Variants in TINAGL1 observed in about 807,000 individuals in gnomAD.
TINAGL1 encodes tubulointerstitial nephritis antigen-like.
In TINAGL1, 34 loss-of-function variants were observed where a neutral mutation model predicts 62.0. The ratio of observed to expected loss-of-function variants is 0.55; its 90% CI spans 0.42 to 0.73. The LOEUF (loss-of-function observed/expected upper bound fraction) is 0.73. TINAGL1 is among the 30% of genes least tolerant of loss of function. TINAGL1 has a pLI of 0.00. For synonymous variants in TINAGL1, 221 were observed against 249.7 expected (o/e 0.88, Z 1.08); for missense variants, 516 against 653.2 (o/e 0.79, Z 2.29).
In TINAGL1 at chr1:31,577,128, C is replaced by T; in HGVS notation, c.-15-6C>T. On this transcript the variant is annotated splice_polypyrimidine_tract_variant and splice_region_variant and intron_variant, in intron 1 of 11. Transcript: ENST00000271064. This position sits in a 1 kb window ranked among gnomAD's most constrained non-coding sequence, Gnocchi z 5.4. ...GTCTCTGCTGCCCACCATCTCTGCCCCCCAGGGCCCAGGAGCCACCATGTG... is the reference window on the plus strand; with the variant it reads ...GTCTCTGCTGCCCACCATCTCTGCCTCCCAGGGCCCAGGAGCCACCATGTG... 1 of 1,474,970 alleles carries T rather than the reference C, an allele frequency of 6.8e-7. No homozygotes were observed. The highest frequency in any genetic ancestry group is 8.9e-7 in the Non-Finnish European group (1 of 1,117,768). 91.4% of individuals were successfully genotyped at this position (1,474,970 alleles called of 1,614,324 possible).
Position 31,584,957 on chromosome 1 carries a change from C to T in TINAGL1, c.778C>T (p.Leu260=), listed in dbSNP as rs1427997227. Residue 260 remains leucine, a synonymous_variant, in exon 7 of 12, where the codon CTG becomes TTG. Coordinates refer to ENST00000271064, the MANE Select transcript of TINAGL1 (RefSeq NM_022164.3). The surrounding 1 kb of genome is among the most constrained non-coding windows in gnomAD (Gnocchi z 4.0). ...GCCTGTCCTGTCGCCCCAGAACCTG[C>T]TGTCTTGTGACACCCACCAGCAGCA... is the stretch of plus-strand genomic sequence containing the variant. ...MTPVLSPQNL[L]SCDTHQQQGC... is the part of the protein sequence containing the mutation. 2 of 1,612,040 alleles carry T rather than the reference C, an allele frequency of 1.2e-6. No homozygotes were observed. The highest frequency in any genetic ancestry group is 2.2e-5 in the East Asian group (1 of 44,800).
At chr1:31,579,095 A>G (rs918033948) in intron 2 of TINAGL1, 109 bp from the exon 3 acceptor site, 20 of 775,686 alleles carry the variant, frequency 2.6e-5, no homozygotes, top group Non-Finnish European at 4.3e-5. Context: ...GAGAGAGAGA[A>G]AGAGAGAGAA....
At position 31,585,254 on chromosome 1, in the gene TINAGL1, C is replaced by A. The variant is rs774510976; in HGVS notation, c.961C>A (p.Arg321Ser). 3 of 1,613,624 alleles carry A rather than the reference C, an allele frequency of 1.9e-6. No homozygotes were observed. The highest frequency in any genetic ancestry group is 1.1e-5 in the South Asian group (1 of 90,938). Reference protein sequence around the residue: ...MHSRAMGRGKRQATAHCPNSY... With the variant: ...MHSRAMGRGKSQATAHCPNSY... The stretch of plus-strand genomic sequence containing the variant: ...CAGCCGAGCCATGGGTCGGGGCAAG[C>A]GCCAGGCCACTGCCCACTGCCCCAA... The change falls in exon 8 of 12, where the codon CGC becomes AGC. Residue 321 changes from arginine (R) to serine (S), a missense_variant. Coordinates refer to ENST00000271064, the MANE Select transcript of TINAGL1 (RefSeq NM_022164.3). This position sits in a 1 kb window ranked among gnomAD's most constrained non-coding sequence, Gnocchi z 4.3.
In TINAGL1 at chr1:31,577,482, G is replaced by C. The variant is rs1207304910; in HGVS notation, c.310+24G>C. Reference sequence around the variant, plus strand: ...AGGTGGGCACTAAGATGGCCAGGAGGGTGGGTCACTTTGTCCACCTCAGAC... The same window carrying C: ...AGGTGGGCACTAAGATGGCCAGGAGCGTGGGTCACTTTGTCCACCTCAGAC... On this transcript the variant is annotated intron_variant, in intron 2 of 11. Transcript: ENST00000271064. The surrounding 1 kb of genome is among the most constrained non-coding windows in gnomAD (Gnocchi z 5.4). The C allele has an allele frequency of 6.3e-7, 1 of 1,585,130 alleles. No individual in the cohort carries two copies. The highest frequency in any genetic ancestry group is 1.2e-5 in the South Asian group (1 of 85,794).
In TINAGL1 at chr1:31,583,560, C is replaced by T; in HGVS notation, c.567C>T (p.Asn189=). ...GTIRPSSSVM[N]MHEIYTVLNP... ...TCCGCCCATCTTCCTCGGTCATGAA[C>T]ATGCATGAAATTTATGTAAGTCCAT... Residue 189 remains asparagine (N), a synonymous_variant, in exon 5 of 12, where the codon AAC becomes AAT. Coordinates refer to ENST00000271064, the MANE Select transcript of TINAGL1 (RefSeq NM_022164.3). This position sits in a 1 kb window ranked among gnomAD's most constrained non-coding sequence, Gnocchi z 4.4. 1.2e-6 allele frequency: 2 copies of T among 1,613,422 alleles called. No individual in the cohort carries two copies. Among genetic ancestry groups the T allele is most frequent in the South Asian group, 1.1e-5 (1 of 90,882 alleles).
chr1:31,583,622 A>T lies in TINAGL1; in HGVS notation c.582+47A>T. 6.6e-7 allele frequency: 1 copy of T among 1,516,980 alleles called. No individual in the cohort carries two copies. The highest frequency in any genetic ancestry group is 9.0e-7 in the Non-Finnish European group (1 of 1,112,170). The allele number at this position is 1,516,980 out of a possible 1,614,324, so 94.0% of individuals were successfully genotyped here. ...ATGCTGCCATCTCCCCATGGCTCAGAACCTCAGGGATGCTGGCCCTGTGCC... is the reference window on the plus strand; with the variant it reads ...ATGCTGCCATCTCCCCATGGCTCAGTACCTCAGGGATGCTGGCCCTGTGCC... On this transcript the variant is annotated intron_variant, in intron 5 of 11. Transcript: ENST00000271064. The surrounding 1 kb of genome is among the most constrained non-coding windows in gnomAD (Gnocchi z 4.4).
chr1:31,584,880 C>G lies in TINAGL1; in HGVS notation c.707-6C>G. 6.2e-7 allele frequency: 1 copy of G among 1,611,548 alleles called. No homozygotes were observed. The highest frequency in any genetic ancestry group is 8.5e-7 in the Non-Finnish European group (1 of 1,177,810). ...TCCCGACAGCCCCTCTATCTCACCCCACCAGCTGTGGCATCCGATCGTGTC... is the reference window on the plus strand; with the variant it reads ...TCCCGACAGCCCCTCTATCTCACCCGACCAGCTGTGGCATCCGATCGTGTC... On this transcript the variant is annotated splice_region_variant and splice_polypyrimidine_tract_variant and intron_variant, in intron 6 of 11. Transcript: ENST00000271064. This position sits in a 1 kb window ranked among gnomAD's most constrained non-coding sequence, Gnocchi z 4.0.
intron 2 of TINAGL1, among the ~76,000 whole-genome samples, chr1:31,578,464 C>T (rs1639077461): frequency 1.9e-5 from 2 of 106,294 alleles, no homozygotes; most frequent in East Asian, 3.3e-4. Flanking sequence ...TGTGTGATGT[C>T]TTCAGTTATA....
rs113457070 is a variant in TINAGL1, at chr1:31,580,217, C to G, written c.374+950C>G. 2.2e-3 allele frequency: 1,610 copies of G among 728,520 alleles called. 36 individuals are homozygous for G. The African/African-American group carries it at 0.029, about 13-fold the overall frequency. 45.1% of individuals were successfully genotyped at this position (728,520 alleles called of 1,614,324 possible). On this transcript the variant is annotated intron_variant, in intron 3 of 11. Coordinates refer to ENST00000271064, the MANE Select transcript of TINAGL1 (RefSeq NM_022164.3). ...TCTCTCTCTCTCTCTCTCTCTGTCT[C>G]TCTCTCTCTGTCTCTCTCTGTCTCT...
Position 31,585,011 on chromosome 1 carries a change from G to T in TINAGL1, c.832G>T (p.Ala278Ser). The change falls in exon 7 of 12, where the codon GCC becomes TCC. Residue 278 changes from alanine to serine, a missense_variant. Physicochemically the swap from Ala to Ser is moderately conservative, Grantham distance 99. Transcript: ENST00000271064. The surrounding 1 kb of genome is among the most constrained non-coding windows in gnomAD (Gnocchi z 4.3). ...CTGCCGCGGTGGGCGTCTCGATGGT[G>T]CCTGGTGGTTCCTGCGTCGCCGAGG... ...QGCRGGRLDG[A>S]WWFLRRRGVV... 6.2e-7 allele frequency: 1 copy of T among 1,607,060 alleles called. No individual in the cohort carries two copies.
At chr1:31,586,520 G>T in intron 10 of TINAGL1, 190 bp from the exon 11 acceptor site, 1 of 665,276 alleles carries the variant, frequency 1.5e-6, no homozygotes, top group Non-Finnish European at 2.7e-6. Flanking sequence ...CCCATGCTGG[G>T]CCTGGGTGCA....
intron 3 of TINAGL1, chr1:31,580,175 C>T (rs1439445302): frequency 6.1e-6 from 2 of 328,254 alleles, no homozygotes; most frequent in South Asian, 3.5e-5. Flanking sequence ...CTCTCTCTCT[C>T]TCTCTCTCTC....
In TINAGL1 at chr1:31,585,331, C is replaced by T. The variant is rs374136172; in HGVS notation, c.1038C>T (p.Leu346=). The change falls in exon 8 of 12, where the codon CTC becomes CTT. Residue 346 remains leucine, a synonymous_variant. Transcript: ENST00000271064. The surrounding 1 kb of genome is among the most constrained non-coding windows in gnomAD (Gnocchi z 4.3). ...DIYQVTPVYR[L]GSNDKEIMKE... ...ACCAGGTCACTCCTGTCTACCGCCTCGGCTCCAACGTAAGTCAGCACTTGG... is the reference window on the plus strand; with the variant it reads ...ACCAGGTCACTCCTGTCTACCGCCTTGGCTCCAACGTAAGTCAGCACTTGG... 5.2e-5 allele frequency: 84 copies of T among 1,604,092 alleles called. 1 individual carries two copies. The highest frequency in any genetic ancestry group is 3.3e-4 in the Middle Eastern group (2 of 6,018).
chr1:31,581,700 A>G (rs1402295055), intron 3 of TINAGL1, among the ~76,000 whole-genome samples: 2 of 152,184 alleles, frequency 1.3e-5, no homozygotes, highest in Admixed American at 6.5e-5. Flanking sequence ...GCACTTAATG[A>G]TGGACCAGGC....
chr1:31,584,426 C>A lies in TINAGL1; in HGVS notation c.583-252C>A. The A allele has an allele frequency of 1.9e-6, 1 of 521,456 alleles. No homozygotes were observed. The highest frequency in any genetic ancestry group is 3.5e-6 in the Non-Finnish European group (1 of 286,574). 32.3% of individuals were successfully genotyped at this position (521,456 alleles called of 1,614,324 possible). On this transcript the variant is annotated intron_variant, in intron 5 of 11. Transcript: ENST00000271064. This position sits in a 1 kb window ranked among gnomAD's most constrained non-coding sequence, Gnocchi z 4.0. The stretch of plus-strand genomic sequence containing the variant: ...TCTCTGTGCCTGGCCTCAGCTGCCT[C>A]ATCTGGGAAGCAGGACTAGTCACCA...
Position 31,583,898 on chromosome 1 carries a change from G to T in TINAGL1, c.582+323G>T. On this transcript the variant is annotated intron_variant, in intron 5 of 11. Transcript: ENST00000271064. The surrounding 1 kb of genome is among the most constrained non-coding windows in gnomAD (Gnocchi z 4.4). The stretch of plus-strand genomic sequence containing the variant: ...GACAGGGGGTCACCTTGGTATTTTG[G>T]GAAGGGAAGGACACACACTCCTCCA... 1 of 279,486 alleles carries T rather than the reference G, an allele frequency of 3.6e-6. No homozygotes were observed. Among genetic ancestry groups the T allele is most frequent in the Non-Finnish European group, 6.9e-6 (1 of 145,850 alleles). 17.3% of individuals were successfully genotyped at this position (279,486 alleles called of 1,614,324 possible).
intron 2 of TINAGL1, 21 bp from the exon 3 acceptor site, chr1:31,579,178 ACTTCT>A (rs1223644938): frequency 6.2e-6 from 10 of 1,608,150 alleles, no homozygotes; most frequent in Non-Finnish European, 8.5e-6. Flanking sequence ...TTCTGGTTCC[ACTTCT>A]CTTCTCTTCC....
rs556706285 is a variant in TINAGL1, at chr1:31,587,157, A to G, written c.*178A>G. On this transcript the variant is annotated 3_prime_UTR_variant, in exon 12 of 12. Coordinates refer to ENST00000271064, the MANE Select transcript of TINAGL1 (RefSeq NM_022164.3). ...AGCGCCCCGCCTGGGAGCCGCGGGCAGGCGAGACTGGCGGAGCCCCCAGAC... is the reference window on the plus strand; with the variant it reads ...AGCGCCCCGCCTGGGAGCCGCGGGCGGGCGAGACTGGCGGAGCCCCCAGAC... 663 of 1,012,826 alleles carry G rather than the reference A, an allele frequency of 6.5e-4. 6 individuals carry two copies. Among genetic ancestry groups the G allele is most frequent in the South Asian group, 4.4e-3 (133 of 30,462 alleles). 62.7% of individuals were successfully genotyped at this position (1,012,826 alleles called of 1,614,324 possible).
In TINAGL1 at chr1:31,584,926, C is replaced by T; in HGVS notation, c.747C>T (p.His249=). Residue 249 remains histidine, a synonymous_variant, in exon 7 of 12, where the codon CAC becomes CAT. Transcript: ENST00000271064. This position sits in a 1 kb window ranked among gnomAD's most constrained non-coding sequence, Gnocchi z 4.0. Reference sequence around the variant, plus strand: ...GTGTCTCAATCCATTCTCTGGGACACATGACGCCTGTCCTGTCGCCCCAGA... The same window carrying T: ...GTGTCTCAATCCATTCTCTGGGACATATGACGCCTGTCCTGTCGCCCCAGA... ...SDRVSIHSLG[H]MTPVLSPQNL... 3 of 1,611,048 alleles carry T rather than the reference C, an allele frequency of 1.9e-6. No homozygotes were observed. Among genetic ancestry groups the T allele is most frequent in the Non-Finnish European group, 1.7e-6 (2 of 1,177,382 alleles).
Sources: allele counts gnomAD v4.1 joint callset (sites outside exome capture counted in the v4.1 genomes callset), GRCh38; gene constraint gnomAD v4.1.1; non-coding constraint Gnocchi (gnomAD v3.1); transcripts MANE v1.5; gene names NCBI Gene and HGNC (gene_info 2026-07-23, HGNC 2026-07-21).